UBXN2A: variants seen among roughly 807,000 people sequenced by gnomAD.
UBXN2A encodes UBX domain-containing protein 2A.
Under a neutral mutation model 28.4 loss-of-function variants are expected in UBXN2A, and 28 were observed. The observed-to-expected ratio is 0.99, with a 90% CI of 0.73 to 1.35. UBXN2A has a LOEUF of 1.35. UBXN2A is among the 40% of genes most tolerant of loss of function. UBXN2A has a pLI of 0.00. For synonymous variants in UBXN2A, 97 were observed against 103.6 expected (o/e 0.94, Z 0.39); for missense variants, 253 against 297.9 (o/e 0.85, Z 1.11).
intron 2 of UBXN2A, among the ~76,000 whole-genome samples, chr2:23,958,866 A>T (rs1373931090): frequency 6.6e-6 from 1 of 152,124 alleles, no homozygotes; most frequent in Non-Finnish European, 1.5e-5. Context: ...GTTTTTACAG[A>T]CAGGGTGTCT....
intron 1 of UBXN2A, among the ~76,000 whole-genome samples, chr2:23,933,728 AAAAAAACAAAAACAGAAAC>A (rs1705443315): frequency 6.6e-6 from 1 of 151,976 alleles, no homozygotes; most frequent in South Asian, 2.1e-4. Flanking sequence ...TCTCAAAAGA[AAAAAAACAAAAACAGAAAC>A]AAAAAACAAA....
rs55665209 is a variant in UBXN2A at position 23,981,476 on chromosome 2, T to TAAAAA, written c.288-1393_288-1389dup. Among the ~76,000 whole-genome samples the TAAAAA allele has an allele frequency of 1.5e-3, 44 of 28,926 alleles. 2 individuals carry two copies. The highest frequency in any genetic ancestry group is 0.013 in the South Asian group (5 of 382). The allele number at this position is 28,926 out of a possible 152,430, so 19.0% of individuals were successfully genotyped here. ...CTGGGCAACAGAGTGAGCTCCTATC[T>TAAAAA]AAAAAAAAAAAAAAAAAAAAAAAAA... is the stretch of plus-strand genomic sequence containing the variant. On this transcript the variant is annotated intron_variant, in intron 4 of 6. Transcript: ENST00000309033.
chr2:23,960,593 A>G (rs371036236), intron 2 of UBXN2A, among the ~76,000 whole-genome samples: 3 of 152,166 alleles, frequency 2.0e-5, no homozygotes, highest in South Asian at 4.2e-4. Context: ...TCCATTAGCA[A>G]TCCCACCCAT....
chr2:23,990,638 G>A (rs1221921150), intron 6 of UBXN2A, among the ~76,000 whole-genome samples: 1 of 151,748 alleles, frequency 6.6e-6, no homozygotes, highest in Non-Finnish European at 1.5e-5. Context: ...GCTGAGTGTG[G>A]TGGCCCACTC....
chr2:23,982,366 C>CAA (rs1305765791), intron 4 of UBXN2A, among the ~76,000 whole-genome samples: 1 of 132,248 alleles, frequency 7.6e-6, no homozygotes, highest in Non-Finnish European at 1.6e-5. Flanking sequence ...GACTCCGTCT[C>CAA]AAAAAAAAAA....
chr2:23,955,206 C>T (rs1405581230), intron 1 of UBXN2A, among the ~76,000 whole-genome samples: 1 of 152,152 alleles, frequency 6.6e-6, no homozygotes, highest in Non-Finnish European at 1.5e-5. Context: ...GCTGGGATTA[C>T]AGGCGTGAGC....
At chr2:23,948,495 T>C (rs113966511) in intron 1 of UBXN2A, among the ~76,000 whole-genome samples, 18,306 of 151,560 alleles carry the variant, frequency 0.12, 1,197 homozygotes, top group Middle Eastern at 0.22. Flanking sequence ...TCAGGCGATC[T>C]GCCCACCTCG....
intron 4 of UBXN2A, among the ~76,000 whole-genome samples, chr2:23,979,706 C>T (rs1315775633): frequency 3.9e-5 from 6 of 151,954 alleles, no homozygotes; most frequent in Non-Finnish European, 5.9e-5. Context: ...ATAGCTGGAA[C>T]GATAGGTGTA....
intron 6 of UBXN2A, among the ~76,000 whole-genome samples, chr2:23,989,179 A>G (rs918770773): frequency 1.3e-5 from 2 of 152,186 alleles, no homozygotes; most frequent in Non-Finnish European, 2.9e-5. Flanking sequence ...GACTCATTCT[A>G]TGAGGCCAGC....
upstream of UBXN2A, among the ~76,000 whole-genome samples, chr2:23,937,528 A>G (rs1705565601): frequency 6.6e-6 from 1 of 152,202 alleles, no homozygotes; most frequent in Non-Finnish European, 1.5e-5. Context: ...CTAGCAAATG[A>G]TTAGAGCTAA....
rs77168703 is a variant in UBXN2A, at chr2:23,941,573, C to T, written c.-15+925C>T. 7.4e-3 allele frequency among the ~76,000 whole-genome samples: 1,124 copies of T among 152,258 alleles called. 10 individuals carry two copies. The highest frequency in any genetic ancestry group is 0.026 in the African/African-American group (1,062 of 41,556). ...TTAATGGAAGCTCACACTTACTGAG[C>T]AGTTGTTTTCAGCTGGGCACTGTGG... On this transcript the variant is annotated intron_variant, in intron 1 of 6. Coordinates refer to ENST00000309033, the MANE Select transcript of UBXN2A (RefSeq NM_181713.4).
intron 2 of UBXN2A, among the ~76,000 whole-genome samples, chr2:23,966,134 T>C (rs1195574521): frequency 6.6e-6 from 1 of 152,064 alleles, no homozygotes; most frequent in Non-Finnish European, 1.5e-5. Context: ...TCTCTTATTG[T>C]AGTTATTTTC....
chr2:23,959,693 C>G (rs953582254), intron 2 of UBXN2A, among the ~76,000 whole-genome samples: 1 of 152,114 alleles, frequency 6.6e-6, no homozygotes, highest in African/African-American at 2.4e-5. Flanking sequence ...CAGGCACAAG[C>G]TTCCAGGGGT....
intron 1 of UBXN2A, among the ~76,000 whole-genome samples, chr2:23,942,929 A>G (rs1244220385): frequency 2.6e-5 from 4 of 152,164 alleles, no homozygotes; most frequent in Admixed American, 6.5e-5. Flanking sequence ...GTCAGAAAAA[A>G]AAAAAGTTTA....
chr2:23,947,359 T>C (rs1265470691), intron 1 of UBXN2A, among the ~76,000 whole-genome samples: 5 of 152,224 alleles, frequency 3.3e-5, no homozygotes, highest in Admixed American at 6.5e-5. Context: ...AACTGTGATA[T>C]GCTATATCAA....
chr2:24,001,274 A>T lies in UBXN2A; in HGVS notation c.*1407A>T, dbSNP rs1708720107. 1 of 152,102 alleles carries T rather than the reference A, an allele frequency of 6.6e-6. No individual in the cohort carries two copies. The highest frequency in any genetic ancestry group is 2.4e-5 in the African/African-American group (1 of 41,422). 9.4% of individuals were successfully genotyped at this position (152,102 alleles called of 1,614,324 possible). On this transcript the variant is annotated 3_prime_UTR_variant, in exon 7 of 7. Coordinates refer to ENST00000309033, the MANE Select transcript of UBXN2A (RefSeq NM_181713.4). ...TGAAGTGCTGGGATTACAAGTGTGAACCACCGTGCCCAGCTGGTTTTCTGT... is the reference window on the plus strand; with the variant it reads ...TGAAGTGCTGGGATTACAAGTGTGATCCACCGTGCCCAGCTGGTTTTCTGT...
rs1708674236 is a variant in UBXN2A at position 23,999,822 on chromosome 2, G to A, written c.735G>A (p.Gln245=). Residue 245 remains glutamine (Q), a synonymous_variant, in exon 7 of 7, where the codon CAG becomes CAA. Coordinates refer to ENST00000309033, the MANE Select transcript of UBXN2A (RefSeq NM_181713.4). Reference sequence around the variant, plus strand: ...ATTTACAGAATGCTGTCATCATTCAGAGACTCCAAAAAACTGCATCTTTTA... The same window carrying A: ...ATTTACAGAATGCTGTCATCATTCAAAGACTCCAAAAAACTGCATCTTTTA... The part of the protein sequence containing the change: ...EADLQNAVII[Q]RLQKTASFRE... 6.2e-6 allele frequency: 10 copies of A among 1,613,504 alleles called. No individual in the cohort carries two copies. Among genetic ancestry groups the A allele is most frequent in the Non-Finnish European group, 8.5e-6 (10 of 1,179,880 alleles).
chr2:23,999,897 GA>G lies in UBXN2A; in HGVS notation c.*31del. 1 of 1,602,354 alleles carries G rather than the reference GA, an allele frequency of 6.2e-7. No individual in the cohort carries two copies. The highest frequency in any genetic ancestry group is 8.5e-7 in the Non-Finnish European group (1 of 1,174,018). ...TGATAGACTAAGTGGAAAATTTGCAGAGAAATGATGGTTGTAAGTGGACATG... is the reference window on the plus strand; with the variant it reads ...TGATAGACTAAGTGGAAAATTTGCAGGAAATGATGGTTGTAAGTGGACATG... On this transcript the variant is annotated 3_prime_UTR_variant, in exon 7 of 7. Coordinates refer to ENST00000309033, the MANE Select transcript of UBXN2A (RefSeq NM_181713.4).
intron 1 of UBXN2A, among the ~76,000 whole-genome samples, chr2:23,943,663 T>A (rs185573967): frequency 1.7e-4 from 26 of 152,030 alleles, no homozygotes; most frequent in African/African-American, 5.8e-4. Context: ...AATTTTGTAT[T>A]TTTAGTAGAG....
Sources: gnomAD v4.1 joint callset for allele counts (sites outside exome capture counted in the v4.1 genomes callset) on GRCh38, gnomAD v4.1.1 for gene constraint, MANE v1.5 for transcripts, NCBI Gene and HGNC (gene_info 2026-07-23, HGNC 2026-07-21) for gene names.